The following CADPS variants were observed in gnomAD, a reference collection of about 807,000 sequenced individuals.
The protein encoded by CADPS is calcium dependent secretion activator.
CADPS carries 57 observed loss-of-function variants against 167.3 expected under a neutral mutation model. The observed-to-expected ratio is 0.34, with a 90% confidence interval of 0.28 to 0.42. The LOEUF is 0.42. Ranked by LOEUF, CADPS falls within the 20% of genes least tolerant of loss-of-function variation. The pLI is 1.00. For missense variants in CADPS, 1,414 were observed against 1,738.1 expected (o/e 0.81, Z 3.32); for synonymous variants, 676 against 635.3 (o/e 1.06, Z -0.96).
intron 17 of CADPS, among the ~76,000 whole-genome samples, chr3:62,506,927 AGT>A (rs1442784271): frequency 6.6e-6 from 1 of 152,234 alleles, no homozygotes; most frequent in Non-Finnish European, 1.5e-5. Context: ...CATTAGCTCC[AGT>A]CACATTAAAG....
intron 8 of CADPS, among the ~76,000 whole-genome samples, chr3:62,579,113 A>G (rs948125753): frequency 2.0e-5 from 3 of 152,182 alleles, no homozygotes; most frequent in Non-Finnish European, 4.4e-5. Context: ...GCTGCAAATT[A>G]CTCCCGGTTG....
chr3:62,856,946 G>T (rs1251232477), intron 1 of CADPS, among the ~76,000 whole-genome samples: 1 of 151,518 alleles, frequency 6.6e-6, no homozygotes, highest in African/African-American at 2.4e-5. Flanking sequence ...GTCTTTCATT[G>T]CATGAAACCC....
At chr3:62,870,556 C>T (rs1239539492) in intron 1 of CADPS, among the ~76,000 whole-genome samples, 1 of 152,054 alleles carries the variant, frequency 6.6e-6, no homozygotes, top group African/African-American at 2.4e-5. Flanking sequence ...CTGAATCATA[C>T]AGAAATGAGT....
At chr3:62,784,612 G>C (rs566491322) in intron 1 of CADPS, among the ~76,000 whole-genome samples, 2 of 152,112 alleles carry the variant, frequency 1.3e-5, no homozygotes, top group Non-Finnish European at 2.9e-5. Flanking sequence ...ATATTAATGT[G>C]ATAATCACTG....
intron 11 of CADPS, among the ~76,000 whole-genome samples, chr3:62,541,201 G>T (rs62243506): frequency 0.071 from 10,874 of 152,152 alleles, 556 homozygotes; most frequent in African/African-American, 0.15. Flanking sequence ...ATCTTTACCT[G>T]TGTCAGACCT....
chr3:62,807,184 A>AAC, intron 1 of CADPS, among the ~76,000 whole-genome samples: 1 of 152,212 alleles, frequency 6.6e-6, no homozygotes, highest in African/African-American at 2.4e-5. Flanking sequence ...GACTTAAATC[A>AAC]ACACTGGGGA....
chr3:62,708,130 C>G (rs1185877206), intron 3 of CADPS, among the ~76,000 whole-genome samples: 1 of 151,942 alleles, frequency 6.6e-6, no homozygotes, highest in Non-Finnish European at 1.5e-5. Context: ...TCACCTGTTA[C>G]CCAGGCTGGT....
At chr3:62,436,906 C>T (rs1335417789) in intron 28 of CADPS, among the ~76,000 whole-genome samples, 1 of 151,820 alleles carries the variant, frequency 6.6e-6, no homozygotes, top group East Asian at 1.9e-4. Context: ...ACGAGGAAAG[C>T]AAATGAGCTG....
chr3:62,683,847 G>A (rs2077531403), intron 3 of CADPS, among the ~76,000 whole-genome samples: 1 of 151,990 alleles, frequency 6.6e-6, no homozygotes, highest in African/African-American at 2.4e-5. Flanking sequence ...TTTTTCTCAT[G>A]GATAGGTTTA....
chr3:62,626,384 C>T (rs2064089261), intron 6 of CADPS: 1 of 545,408 alleles, frequency 1.8e-6, no homozygotes, highest in Admixed American at 3.2e-5. Flanking sequence ...CTAGGAAAAA[C>T]ACCCAAAAGG....
intron 4 of CADPS, among the ~76,000 whole-genome samples, chr3:62,655,656 G>A (rs1473620493): frequency 6.6e-6 from 1 of 152,120 alleles, no homozygotes; most frequent in Non-Finnish European, 1.5e-5. Flanking sequence ...ATGATGACAA[G>A]GCTGCCCCCC....
intron 28 of CADPS, among the ~76,000 whole-genome samples, chr3:62,429,462 T>TG (rs2053484101): frequency 6.6e-6 from 1 of 152,190 alleles, no homozygotes; most frequent in Admixed American, 6.5e-5. Flanking sequence ...GATCGTGAAA[T>TG]CTTTTGATAG....
intron 4 of CADPS, among the ~76,000 whole-genome samples, chr3:62,659,883 T>C (rs2150417082): frequency 6.6e-6 from 1 of 152,340 alleles, no homozygotes; most frequent in South Asian, 2.1e-4. Context: ...GAGGGCACTC[T>C]ATCTCATAGA....
intron 11 of CADPS, among the ~76,000 whole-genome samples, chr3:62,546,572 G>A (rs2152182587): frequency 6.6e-6 from 1 of 152,230 alleles, no homozygotes; most frequent in African/African-American, 2.4e-5. Flanking sequence ...TAACAATTAT[G>A]CAGTCAGCTC....
At chr3:62,870,977 G>A (rs1215518426) in intron 1 of CADPS, among the ~76,000 whole-genome samples, 1 of 152,218 alleles carries the variant, frequency 6.6e-6, no homozygotes, top group Non-Finnish European at 1.5e-5. Flanking sequence ...CTGAGCTACT[G>A]AAACATACAT....
chr3:62,635,952 T>G (rs1320147179), intron 6 of CADPS, among the ~76,000 whole-genome samples: 4 of 152,184 alleles, frequency 2.6e-5, no homozygotes, highest in Non-Finnish European at 5.9e-5. Context: ...GATCTACATA[T>G]AAATGAACAC....
At chr3:62,681,727 G>A (rs1487155428) in intron 3 of CADPS, among the ~76,000 whole-genome samples, 2 of 152,048 alleles carry the variant, frequency 1.3e-5, no homozygotes, top group African/African-American at 4.8e-5. Flanking sequence ...TCCCTCAGGG[G>A]CCTTGTTACA....
At chr3:62,554,074 G>A (rs2077731663) in intron 10 of CADPS, among the ~76,000 whole-genome samples, 1 of 152,198 alleles carries the variant, frequency 6.6e-6, no homozygotes, top group Non-Finnish European at 1.5e-5. Flanking sequence ...AGGTCTTTAT[G>A]AGTCGTATAA....
chr3:62,685,131 C>G (rs1371330447), intron 3 of CADPS, among the ~76,000 whole-genome samples: 6 of 152,012 alleles, frequency 3.9e-5, no homozygotes, highest in African/African-American at 1.4e-4. Context: ...CACAACACAC[C>G]TACTTTGCTT....
Sources: gnomAD v4.1 joint callset for allele counts (sites outside exome capture counted in the v4.1 genomes callset) on GRCh38, gnomAD v4.1.1 for gene constraint, MANE v1.5 for transcripts, NCBI Gene and HGNC (gene_info 2026-07-23, HGNC 2026-07-21) for gene names.